The following EZH2 variants were observed in gnomAD, a reference collection of about 807,000 sequenced individuals.
EZH2 encodes the protein histone-lysine N-methyltransferase EZH2.
In EZH2, 18 loss-of-function variants were observed where a neutral mutation model predicts 98.4. That is an observed-to-expected ratio of 0.18 (90% CI 0.13 to 0.27). The LOEUF (loss-of-function observed/expected upper bound fraction) is 0.27, where lower values mean the gene tolerates loss of function less well. EZH2 is among the 10% of genes least tolerant of loss of function. The probability of loss-of-function intolerance (pLI) is 1.00; values close to 1 mark genes in which losing one functional copy is unlikely to be tolerated. For synonymous variants in EZH2, 338 were observed against 312.3 expected (o/e 1.08, Z -0.87); for missense variants, 470 against 935.1 (o/e 0.50, Z 6.49).
At chr7:148,831,608 C>G (rs1034771626) in intron 4 of EZH2, among the ~76,000 whole-genome samples, 2 of 152,152 alleles carry the variant, frequency 1.3e-5, no homozygotes, top group Non-Finnish European at 2.9e-5. Context: ...GAATTTCAGT[C>G]TGTGAAAACA....
intron 17 of EZH2, 42 bp downstream of exon 17, chr7:148,810,291 A>G (rs748301961): frequency 3.4e-6 from 5 of 1,460,316 alleles, no homozygotes; most frequent in African/African-American, 2.8e-5. Context: ...AGGCTGCCAC[A>G]TGCAACTCAG....
rs1233462075 is a variant in EZH2 at position 148,817,300 on chromosome 7, C to T, written c.1332G>A (p.Met444Ile). ...NVEWSGAEAS[M>I]FRVLIGTYYD... is the part of the protein sequence containing the mutation. ...AGTAAGTGCCAATGAGGACTCTAAA[C>T]ATTGAGGCTTCAGCACCACTCCACT... Residue 444 changes from methionine (M) to isoleucine (I), a missense_variant, in exon 11 of 20, where the codon ATG (methionine) becomes ATA (isoleucine). Physicochemically the swap from Met to Ile is conservative, Grantham distance 10 (BLOSUM62 1). Transcript: ENST00000320356. The T allele has an allele frequency of 1.2e-6, 2 of 1,613,956 alleles. No homozygotes were observed.
At chr7:148,867,628 C>T (rs980418310) in intron 1 of EZH2, among the ~76,000 whole-genome samples, 3 of 152,160 alleles carry the variant, frequency 2.0e-5, no homozygotes, top group Admixed American at 2.0e-4. Context: ...CCCCATGTAT[C>T]GTCCTCTTAT....
intron 3 of EZH2, among the ~76,000 whole-genome samples, chr7:148,833,567 A>G (rs894847489): frequency 6.6e-6 from 1 of 152,220 alleles, no homozygotes; most frequent in Non-Finnish European, 1.5e-5. Context: ...TGATATTATC[A>G]GATGATACAT....
At chr7:148,817,199 A>G (rs1804793934) in intron 11 of EZH2, 23 bp downstream of exon 11, 1 of 1,600,126 alleles carries the variant, frequency 6.2e-7, no homozygotes. Context: ...CTCTTTTAAC[A>G]ACATTTTTAT....
intron 15 of EZH2, 107 bp downstream of exon 15, chr7:148,813,852 G>A (rs543586299): frequency 1.7e-6 from 2 of 1,168,114 alleles, no homozygotes; most frequent in Non-Finnish European, 2.4e-6. Flanking sequence ...ACCTTTCAAG[G>A]ATCACTTTTA....
chr7:148,811,049 A>G lies in EZH2; in HGVS notation c.1947+576T>C, dbSNP rs552361935. Among the ~76,000 whole-genome samples the G allele has an allele frequency of 3.3e-5, 5 of 152,332 alleles. No individual in the cohort carries two copies. The South Asian group carries it at 8.3e-4, about 25-fold the overall frequency. ...TCCTTATCAACTAGGTTGTGGATTA[A>G]GCAGGCCACTCTATGGTAAAGCTCT... On this transcript the variant is annotated intron_variant, in intron 16 of 19. Transcript: ENST00000320356.
intron 13 of EZH2, among the ~76,000 whole-genome samples, chr7:148,815,265 C>G (rs1378250847): frequency 6.6e-6 from 1 of 152,190 alleles, no homozygotes; most frequent in Non-Finnish European, 1.5e-5. Context: ...ACATCTCAGT[C>G]CCATCCCAAA....
rs1358074921 is a variant in EZH2 at position 148,826,079 on chromosome 7, C to T, written c.907+375G>A. ...TTACATTAAATCGACAAGCACTTACCTGAACATTTTTTTGGCCAATTTCTT... is the reference window on the plus strand; with the variant it reads ...TTACATTAAATCGACAAGCACTTACTTGAACATTTTTTTGGCCAATTTCTT... On this transcript the variant is annotated intron_variant, in intron 8 of 19. Transcript: ENST00000320356. Among the ~76,000 whole-genome samples, 8 of 151,918 alleles carry T rather than the reference C, an allele frequency of 5.3e-5. 1 individual carries two copies. The highest frequency in any genetic ancestry group is 5.2e-4 in the Admixed American group (8 of 15,250).
chr7:148,829,991 A>C (rs1808885973), intron 4 of EZH2, 143 bp from the exon 5 acceptor site: 2 of 532,534 alleles, frequency 3.8e-6, no homozygotes, highest in African/African-American at 4.0e-5. Flanking sequence ...CAAACTCTAA[A>C]ATTTATCAAA....
chr7:148,828,275 C>T (rs999294331), intron 6 of EZH2, among the ~76,000 whole-genome samples: 1 of 152,146 alleles, frequency 6.6e-6, no homozygotes, highest in Non-Finnish European at 1.5e-5. Context: ...CAAAAAATTA[C>T]GTTCTTTGCT....
Position 148,807,493 on chromosome 7 carries a change from T to A in EZH2, c.*153A>T. The A allele has an allele frequency of 3.0e-6, 2 of 655,960 alleles. No homozygotes were observed. The highest frequency in any genetic ancestry group is 5.3e-6 in the Non-Finnish European group (2 of 376,960). 40.6% of individuals were successfully genotyped at this position (655,960 alleles called of 1,614,324 possible). A position where few individuals can be genotyped will look rare whatever the true frequency, so the allele number is the denominator to read the frequency against. On this transcript the variant is annotated 3_prime_UTR_variant, in exon 20 of 20. Coordinates refer to ENST00000320356, the MANE Select transcript of EZH2 (RefSeq NM_004456.5). Reference sequence around the variant, plus strand: ...AGCTGGTGAGAAGGCAATAAAAAGTTGATTTTTAAACTCATTACTATAAAT... The same window carrying A: ...AGCTGGTGAGAAGGCAATAAAAAGTAGATTTTTAAACTCATTACTATAAAT...
chr7:148,809,423 A>G, intron 17 of EZH2, 33 bp from the exon 18 acceptor site: 3 of 1,525,308 alleles, frequency 2.0e-6, no homozygotes, highest in Non-Finnish European at 2.7e-6. Context: ...AGCCCAGTGA[A>G]TAATTTCAGT....
chr7:148,822,302 G>A (rs949361887), intron 8 of EZH2, among the ~76,000 whole-genome samples: 19 of 151,954 alleles, frequency 1.3e-4, no homozygotes, highest in African/African-American at 4.6e-4. Flanking sequence ...TTGAGGTCAG[G>A]AGTTTGAGAC....
chr7:148,809,031 A>G (rs1275809621), intron 19 of EZH2, 40 bp downstream of exon 19: 6 of 1,533,800 alleles, frequency 3.9e-6, no homozygotes, highest in Non-Finnish European at 5.4e-6. Context: ...TCCAGTAGAA[A>G]AAGCCCTTAG....
chr7:148,830,687 T>C (rs140341473), intron 4 of EZH2, among the ~76,000 whole-genome samples: 32 of 152,272 alleles, frequency 2.1e-4, no homozygotes, highest in Admixed American at 7.8e-4. Context: ...GTAAAGATGA[T>C]AGATGAGTTT....
intron 16 of EZH2, among the ~76,000 whole-genome samples, chr7:148,811,414 G>C (rs548690088): frequency 6.6e-6 from 1 of 152,154 alleles, no homozygotes; most frequent in East Asian, 1.9e-4. Flanking sequence ...GCCTCCCAAA[G>C]TGCTGGGATT....
chr7:148,850,250 C>T (rs1312318340), intron 1 of EZH2, among the ~76,000 whole-genome samples: 2 of 152,096 alleles, frequency 1.3e-5, no homozygotes, highest in Non-Finnish European at 1.5e-5. Flanking sequence ...AATCTCCTGA[C>T]CTTGTGATCC....
intron 3 of EZH2, among the ~76,000 whole-genome samples, chr7:148,839,009 G>A (rs1337726584): frequency 3.4e-5 from 5 of 147,610 alleles, no homozygotes; most frequent in East Asian, 2.0e-4. Context: ...ACAAGATGAC[G>A]CCACTGCACT....
Sources: gnomAD v4.1 joint callset for allele counts (sites outside exome capture counted in the v4.1 genomes callset) on GRCh38, gnomAD v4.1.1 for gene constraint, MANE v1.5 for transcripts, NCBI Gene and HGNC (gene_info 2026-07-23, HGNC 2026-07-21) for gene names.